The following ABI2 variants were observed in gnomAD, a reference collection of about 807,000 sequenced individuals.
ABI2 encodes the protein abelson interactor 2.
Under a neutral mutation model 59.2 loss-of-function variants are expected in ABI2, and 25 were observed. The ratio of observed to expected loss-of-function variants is 0.42; its 90% confidence interval spans 0.31 to 0.59. The LOEUF (loss-of-function observed/expected upper bound fraction) is 0.59, where lower values mean the gene tolerates loss of function less well. Ranked by LOEUF, ABI2 falls within the 20% of genes least tolerant of loss-of-function variation. The pLI is 0.14. For synonymous variants in ABI2, 213 were observed against 235.5 expected, an observed-to-expected ratio of 0.90 and a Z score of 0.87; for missense variants, 545 against 681.8, an observed-to-expected ratio of 0.80 and a Z score of 2.23.
rs960116736 is a variant in ABI2 at position 203,431,913 on chromosome 2, A to G, written c.*4561A>G. 6.6e-6 allele frequency: 1 copy of G among 152,190 alleles called. No individual in the cohort carries two copies. Among genetic ancestry groups the G allele is most frequent in the African/African-American group, 2.4e-5 (1 of 41,454 alleles). 9.4% of individuals were successfully genotyped at this position (152,190 alleles called of 1,614,324 possible). A position where few individuals can be genotyped will look rare whatever the true frequency, so the allele number is the denominator to read the frequency against. The stretch of plus-strand genomic sequence containing the variant: ...TGCACCATTTTTCTTAAAATGGCTT[A>G]CAAAAAAGAATGTAAACAATTTGTG... On this transcript the variant is annotated 3_prime_UTR_variant, in exon 12 of 12. Coordinates refer to ENST00000261018, the MANE Select transcript of ABI2 (RefSeq NM_001375670.1).
At chr2:203,396,559 T>C (rs1370610615) in intron 7 of ABI2, among the ~76,000 whole-genome samples, 1 of 152,216 alleles carries the variant, frequency 6.6e-6, no homozygotes. Flanking sequence ...AAAGGAATGT[T>C]TGTTTTTAAT....
intron 5 of ABI2, among the ~76,000 whole-genome samples, chr2:203,393,941 G>A (rs1432198933): frequency 6.6e-6 from 1 of 151,442 alleles, no homozygotes; most frequent in Admixed American, 6.6e-5. Flanking sequence ...TCCTCTTTAC[G>A]AGGAAATTTT....
chr2:203,375,279 A>ATT (rs1489639081), intron 2 of ABI2, among the ~76,000 whole-genome samples: 3 of 152,214 alleles, frequency 2.0e-5, no homozygotes, highest in Non-Finnish European at 4.4e-5. Flanking sequence ...GCAAACAATA[A>ATT]TTATATTAAT....
At chr2:203,399,206 G>T (rs1470525781) in intron 8 of ABI2, among the ~76,000 whole-genome samples, 1 of 152,134 alleles carries the variant, frequency 6.6e-6, no homozygotes, top group Non-Finnish European at 1.5e-5. Context: ...AGCCCTTGGT[G>T]TTGCCTTTTT....
chr2:203,411,289 T>G lies in ABI2; in HGVS notation c.1197T>G (p.Ser399=). 6.2e-7 allele frequency: 1 copy of G among 1,613,628 alleles called. No homozygotes were observed. Among genetic ancestry groups the G allele is most frequent in the Non-Finnish European group, 8.5e-7 (1 of 1,179,648 alleles). Residue 399 remains serine (S), a synonymous_variant, in exon 10 of 12, where the codon TCT becomes TCG. Coordinates refer to ENST00000261018, the MANE Select transcript of ABI2 (RefSeq NM_001375670.1). ...ACACCTTTTTTGTTTTTGCAGTATC[T>G]CTTGCTCCTCCTCCTCCCTCCATCC... is the stretch of plus-strand genomic sequence containing the variant. ...GGPFYSQNPV[S]LAPPPPSILQ...
intron 11 of ABI2, among the ~76,000 whole-genome samples, chr2:203,423,550 C>T (rs1050775214): frequency 6.6e-6 from 1 of 152,214 alleles, no homozygotes; most frequent in Non-Finnish European, 1.5e-5. Context: ...CTCAGCCCCA[C>T]GAGTAGCTGG....
At chr2:203,407,577 CTG>C (rs2097482957) in intron 9 of ABI2, among the ~76,000 whole-genome samples, 1 of 152,190 alleles carries the variant, frequency 6.6e-6, no homozygotes, top group Non-Finnish European at 1.5e-5. Context: ...CTTGGAAAGT[CTG>C]TACATTTCAT....
At chr2:203,336,845 G>A (rs10196646) in intron 1 of ABI2, among the ~76,000 whole-genome samples, 113,239 of 152,130 alleles carry the variant, frequency 0.74, 43,305 homozygotes, top group Middle Eastern at 0.87. Flanking sequence ...TGGTAAATGT[G>A]TGTTTAGTTT....
chr2:203,330,644 G>A (rs966048596), intron 1 of ABI2, among the ~76,000 whole-genome samples: 5 of 152,142 alleles, frequency 3.3e-5, no homozygotes, highest in African/African-American at 1.2e-4. Flanking sequence ...GGAATGAAGT[G>A]GTAATTCCAT....
intron 8 of ABI2, among the ~76,000 whole-genome samples, chr2:203,400,541 T>G (rs2097178418): frequency 6.6e-6 from 1 of 152,252 alleles, no homozygotes; most frequent in Non-Finnish European, 1.5e-5. Flanking sequence ...TAAATATGCC[T>G]TTTAAATCAT....
intron 1 of ABI2, among the ~76,000 whole-genome samples, chr2:203,347,681 T>C (rs2084563803): frequency 6.6e-6 from 1 of 152,220 alleles, no homozygotes; most frequent in South Asian, 2.1e-4. Context: ...ATACTTTAGG[T>C]TTATTCTGCA....
At position 203,429,035 on chromosome 2, in the gene ABI2, T is replaced by C. The variant is rs1317048178; in HGVS notation, c.*1683T>C. 1 of 152,248 alleles carries C rather than the reference T, an allele frequency of 6.6e-6. No homozygotes were observed. The allele number at this position is 152,248 out of a possible 1,614,324, so 9.4% of individuals were successfully genotyped here. ...CTTAATGTTATCTGAGCATTAAAAA[T>C]CATCAGCATTTAACTGAGACCCCAC... On this transcript the variant is annotated 3_prime_UTR_variant, in exon 12 of 12. Coordinates refer to ENST00000261018, the MANE Select transcript of ABI2 (RefSeq NM_001375670.1).
chr2:203,425,690 G>A (rs978743967), intron 11 of ABI2, among the ~76,000 whole-genome samples: 1 of 152,142 alleles, frequency 6.6e-6, no homozygotes, highest in Non-Finnish European at 1.5e-5. Context: ...TATATATTGA[G>A]AAATGCACAC....
chr2:203,382,116 A>G (rs1223376184), intron 3 of ABI2, 73 bp from the exon 4 acceptor site: 6 of 1,297,190 alleles, frequency 4.6e-6, no homozygotes, highest in Non-Finnish European at 6.3e-6. Flanking sequence ...TTCTCTTCAC[A>G]TCCTGAAGTT....
At chr2:203,347,451 C>T (rs988315542) in intron 1 of ABI2, among the ~76,000 whole-genome samples, 3 of 152,076 alleles carry the variant, frequency 2.0e-5, no homozygotes, top group Non-Finnish European at 4.4e-5. Context: ...GACATAAGAC[C>T]ATTACACGAA....
intron 1 of ABI2, among the ~76,000 whole-genome samples, chr2:203,357,386 C>T (rs1239180236): frequency 6.6e-6 from 1 of 152,214 alleles, no homozygotes; most frequent in East Asian, 1.9e-4. Flanking sequence ...CTAGAAACCT[C>T]ACTTAAGGCA....
intron 4 of ABI2, among the ~76,000 whole-genome samples, chr2:203,389,228 A>G (rs550139454): frequency 2.0e-5 from 3 of 152,324 alleles, no homozygotes. Context: ...GAGAGCAAGG[A>G]TAAGTTAATC....
chr2:203,338,963 A>ATATATAT (rs2078058480), intron 1 of ABI2, among the ~76,000 whole-genome samples: 1 of 10,004 alleles, frequency 1.0e-4, no homozygotes, highest in Non-Finnish European at 1.8e-4. Flanking sequence ...TATATATATA[A>ATATATAT]ATATATATAT....
At chr2:203,341,133 CTG>C (rs2079649403) in intron 1 of ABI2, among the ~76,000 whole-genome samples, 1 of 152,184 alleles carries the variant, frequency 6.6e-6, no homozygotes, top group African/African-American at 2.4e-5. Flanking sequence ...CCTGGCTACT[CTG>C]TGTAAAATTA....
Sources: allele counts gnomAD v4.1 joint callset (sites outside exome capture counted in the v4.1 genomes callset), GRCh38; gene constraint gnomAD v4.1.1; transcripts MANE v1.5; gene names NCBI Gene and HGNC (gene_info 2026-07-23, HGNC 2026-07-21).